The following EAF2 variants were observed in gnomAD, a reference collection of about 807,000 sequenced individuals.
EAF2 encodes the protein ELL associated factor 2.
A neutral mutation model predicts 29.4 loss-of-function variants in EAF2; 29 were observed. The observed-to-expected ratio is 0.99, with a 90% CI of 0.73 to 1.35. EAF2 has a LOEUF of 1.35. EAF2 is among the 40% of genes most tolerant of loss of function. EAF2 has a pLI of 0.00. For synonymous variants in EAF2, 103 were observed against 102.5 expected, an observed-to-expected ratio of 1.00 and a Z score of -0.03; for missense variants, 292 against 312.0, an observed-to-expected ratio of 0.94 and a Z score of 0.48.
chr3:121,854,668 T>C lies in EAF2; in HGVS notation c.202-19T>C, dbSNP rs1213256533. Reference sequence around the variant, plus strand: ...TCCTATGATAAATTTTAAGTAATAATAATTAACTTTTTAAACAGGGTTCAA... The same window carrying C: ...TCCTATGATAAATTTTAAGTAATAACAATTAACTTTTTAAACAGGGTTCAA... On this transcript the variant is annotated intron_variant, in intron 2 of 5. Coordinates refer to ENST00000273668, the MANE Select transcript of EAF2 (RefSeq NM_018456.6). 3.3e-6 allele frequency: 5 copies of C among 1,506,760 alleles called. No homozygotes were observed. Among genetic ancestry groups the C allele is most frequent in the Non-Finnish European group, 4.4e-6 (5 of 1,137,500 alleles). The allele number at this position is 1,506,760 out of a possible 1,614,324, so 93.3% of individuals were successfully genotyped here.
rs573567092 is a variant in EAF2 at position 121,861,018 on chromosome 3, C to T, written c.484+3862C>T. Reference sequence around the variant, plus strand: ...TTAGTCCTGAGTTCTAATTTGATTGCACTGTGTTCTGAGAGACAGTTTGTT... The same window carrying T: ...TTAGTCCTGAGTTCTAATTTGATTGTACTGTGTTCTGAGAGACAGTTTGTT... On this transcript the variant is annotated intron_variant, in intron 4 of 5. Coordinates refer to ENST00000273668, the MANE Select transcript of EAF2 (RefSeq NM_018456.6). Among the ~76,000 whole-genome samples the T allele has an allele frequency of 5.9e-5, 9 of 152,288 alleles. No individual in the cohort carries two copies. The East Asian group carries it at 1.7e-3, about 29-fold the overall frequency.
intron 4 of EAF2, among the ~76,000 whole-genome samples, chr3:121,872,098 A>T (rs1186597033): frequency 1.3e-5 from 2 of 151,942 alleles, no homozygotes; most frequent in African/African-American, 4.8e-5. Context: ...AAACCTATAG[A>T]TGCTTCATCA....
intron 5 of EAF2, among the ~76,000 whole-genome samples, chr3:121,880,970 T>C (rs946038180): frequency 7.9e-5 from 12 of 152,234 alleles, no homozygotes; most frequent in African/African-American, 2.4e-4. Flanking sequence ...TTTTTCTGCA[T>C]CTATTGAGAT....
At chr3:121,845,006 C>T (rs1408704747) in intron 2 of EAF2, among the ~76,000 whole-genome samples, 1 of 152,138 alleles carries the variant, frequency 6.6e-6, no homozygotes, top group Admixed American at 6.5e-5. Flanking sequence ...AATATTTCAG[C>T]TGAGCCTTTA....
intron 3 of EAF2, among the ~76,000 whole-genome samples, chr3:121,855,961 G>T (rs1486407618): frequency 6.6e-6 from 1 of 152,140 alleles, no homozygotes; most frequent in Non-Finnish European, 1.5e-5. Context: ...AACAATGTAG[G>T]AATCAGAAAA....
At chr3:121,841,036 C>G (rs1708411431) in intron 1 of EAF2, among the ~76,000 whole-genome samples, 1 of 152,024 alleles carries the variant, frequency 6.6e-6, no homozygotes, top group Non-Finnish European at 1.5e-5. Context: ...ATAAGGTGTT[C>G]CAGTAGTTTA....
chr3:121,842,248 G>T (rs1244822651), intron 1 of EAF2, among the ~76,000 whole-genome samples: 1 of 152,108 alleles, frequency 6.6e-6, no homozygotes, highest in Non-Finnish European at 1.5e-5. Flanking sequence ...CACCCACATA[G>T]GGCATGACGA....
intron 5 of EAF2, among the ~76,000 whole-genome samples, chr3:121,879,689 A>G (rs992316056): frequency 6.7e-6 from 1 of 149,464 alleles, no homozygotes; most frequent in East Asian, 2.0e-4. Flanking sequence ...CCCCCACAGA[A>G]TGTTCTTGGT....
chr3:121,886,295 A>G, intron 5 of EAF2, 47 bp from the exon 6 acceptor site: 1 of 1,247,650 alleles, frequency 8.0e-7, no homozygotes, highest in Non-Finnish European at 1.1e-6. Context: ...CAAAAATAAT[A>G]TTAAATATTT....
chr3:121,874,111 A>C (rs1161090326), intron 5 of EAF2, among the ~76,000 whole-genome samples: 1 of 151,806 alleles, frequency 6.6e-6, no homozygotes, highest in African/African-American at 2.4e-5. Context: ...CTTTTTAATA[A>C]AGGCATGCAG....
chr3:121,863,540 C>A (rs1411241482), intron 4 of EAF2, among the ~76,000 whole-genome samples: 1 of 152,164 alleles, frequency 6.6e-6, no homozygotes, highest in Non-Finnish European at 1.5e-5. Flanking sequence ...TTTGCTAAGA[C>A]CATTGGAAAA....
In EAF2 at chr3:121,872,721, G is replaced by C. The variant is rs754344006; in HGVS notation, c.669G>C (p.Arg223Ser). The C allele has an allele frequency of 1.2e-6, 2 of 1,612,690 alleles. No individual in the cohort carries two copies. The highest frequency in any genetic ancestry group is 2.2e-5 in the South Asian group (2 of 90,996). The stretch of plus-strand genomic sequence containing the variant: ...GACATCCTACCATGACACAGTACAG[G>C]ATTCCTGATATAGATGCCAGTCATA... ...VSGHPTMTQY[R>S]IPDIDASHNR... is the part of the protein sequence containing the mutation. Residue 223 changes from arginine to serine, a missense_variant, in exon 5 of 6, where the codon AGG (arginine) becomes AGC (serine). By Grantham distance (110) the Arg-to-Ser change is moderately radical (BLOSUM62 -1). Coordinates refer to ENST00000273668, the MANE Select transcript of EAF2 (RefSeq NM_018456.6).
chr3:121,841,241 C>A (rs1486368012), intron 1 of EAF2, among the ~76,000 whole-genome samples: 2 of 152,150 alleles, frequency 1.3e-5, no homozygotes, highest in Non-Finnish European at 2.9e-5. Context: ...TGGTGGCTCA[C>A]GCCTGTAATC....
chr3:121,870,128 A>G (rs1185874358), intron 4 of EAF2, among the ~76,000 whole-genome samples: 1 of 152,106 alleles, frequency 6.6e-6, no homozygotes, highest in Non-Finnish European at 1.5e-5. Context: ...ACATTACACA[A>G]TCTCTTCTGG....
At chr3:121,839,311 T>C (rs1708362692) in intron 1 of EAF2, among the ~76,000 whole-genome samples, 1 of 152,214 alleles carries the variant, frequency 6.6e-6, no homozygotes, top group Non-Finnish European at 1.5e-5. Flanking sequence ...AGTTATGAGA[T>C]TGGGTTTATT....
intron 4 of EAF2, among the ~76,000 whole-genome samples, chr3:121,866,660 G>A (rs1308924192): frequency 1.3e-5 from 2 of 152,106 alleles, no homozygotes; most frequent in African/African-American, 4.8e-5. Flanking sequence ...AGGAGGTGGA[G>A]GTTGCAGTGA....
intron 4 of EAF2, among the ~76,000 whole-genome samples, chr3:121,867,255 C>G (rs1708941889): frequency 6.6e-6 from 1 of 152,078 alleles, no homozygotes; most frequent in South Asian, 2.1e-4. Context: ...CAAAAACTTC[C>G]CAAGTTTTAT....
intron 2 of EAF2, among the ~76,000 whole-genome samples, chr3:121,845,462 A>AAAGAAC (rs1553726214): frequency 1.2e-4 from 17 of 140,378 alleles, no homozygotes; most frequent in Middle Eastern, 3.3e-3. Flanking sequence ...AAAAAAAAAA[A>AAAGAAC]GAAAGAAAGA....
At chr3:121,847,121 T>C (rs907832454) in intron 2 of EAF2, among the ~76,000 whole-genome samples, 2 of 152,196 alleles carry the variant, frequency 1.3e-5, no homozygotes, top group Non-Finnish European at 2.9e-5. Context: ...ATAAGTCCTA[T>C]TCTAGGTAGC....
Sources: gnomAD v4.1 joint callset for allele counts (sites outside exome capture counted in the v4.1 genomes callset) on GRCh38, gnomAD v4.1.1 for gene constraint, MANE v1.5 for transcripts, NCBI Gene and HGNC (gene_info 2026-07-23, HGNC 2026-07-21) for gene names.